LANCL3: variants seen among roughly 807,000 people sequenced by gnomAD.
LANCL3 encodes LanC like family member 3, also known as lanC-like protein 3.
Under a neutral mutation model 26.5 loss-of-function variants are expected in LANCL3, and 19 were observed. The observed-to-expected ratio is 0.72, with a 90% CI of 0.50 to 1.05. The LOEUF is 1.05. LANCL3 is among the 50% of genes least tolerant of loss of function. LANCL3 has a pLI of 0.00. For synonymous variants in LANCL3, 160 were observed against 166.6 expected, an observed-to-expected ratio of 0.96 and a Z score of 0.30; for missense variants, 318 against 362.7, an observed-to-expected ratio of 0.88 and a Z score of 1.00.
At chrX:37,670,524 G>A (rs1388631381) in intron 4 of LANCL3, among the ~76,000 whole-genome samples, 3 of 110,149 alleles carry the variant, frequency 2.7e-5, no homozygotes, top group African/African-American at 9.9e-5. Context: ...TCTCAGATAG[G>A]TATTTATTTT....
intron 1 of LANCL3, among the ~76,000 whole-genome samples, chrX:37,620,496 G>T (rs181585590): frequency 1.3e-3 from 148 of 112,010 alleles, no homozygotes; most frequent in Non-Finnish European, 2.5e-3. Context: ...ATGGGGATAA[G>T]CTGCAGAGTC....
At chrX:37,631,006 G>T (rs1925483822) in intron 1 of LANCL3, among the ~76,000 whole-genome samples, 1 of 111,723 alleles carries the variant, frequency 9.0e-6, no homozygotes, top group Non-Finnish European at 1.9e-5. Flanking sequence ...CTATTGATTG[G>T]AATAGTTTCA....
In LANCL3 at chrX:37,676,676, T is replaced by C. The variant is rs1478212882; in HGVS notation, c.*863T>C. On this transcript the variant is annotated 3_prime_UTR_variant, in exon 5 of 5. Transcript: ENST00000378619. Reference sequence around the variant, plus strand: ...CTATTAGCTGAACTATAAAATATGCTCTTGGTAAATATCACTAATTTCAAA... The same window carrying C: ...CTATTAGCTGAACTATAAAATATGCCCTTGGTAAATATCACTAATTTCAAA... The C allele has an allele frequency of 8.9e-6, 1 of 112,085 alleles. No homozygotes were observed. Among genetic ancestry groups the C allele is most frequent in the Non-Finnish European group, 1.9e-5 (1 of 53,204 alleles). 9.2% of individuals were successfully genotyped at this position (112,085 alleles called of 1,213,427 possible).
chrX:37,659,690 G>A, intron 3 of LANCL3, 31 bp downstream of exon 3: 1 of 1,167,905 alleles, frequency 8.6e-7, no homozygotes, highest in Non-Finnish European at 1.2e-6. Flanking sequence ...TAAAAATATT[G>A]CCTTTCATCT....
rs149126797 is a variant in LANCL3 at position 37,637,947 on chromosome X, G to T, written c.574-17741G>T. 1.8e-3 allele frequency among the ~76,000 whole-genome samples: 197 copies of T among 110,494 alleles called. 2 individuals are homozygous for T. The highest frequency in any genetic ancestry group is 6.2e-3 in the African/African-American group (189 of 30,344). ...CTGAATGAGGCTGAACCTGAATGAG[G>T]CTGAATGTATCAGATTCTCCTAGGA... On this transcript the variant is annotated intron_variant, in intron 1 of 4. Transcript: ENST00000378619.
chrX:37,578,910 G>A (rs1556416702), intron 1 of LANCL3, among the ~76,000 whole-genome samples: 1 of 105,948 alleles, frequency 9.4e-6, no homozygotes, highest in Admixed American at 1.0e-4. Flanking sequence ...AACCCGGGAG[G>A]CGGAGGTTGC....
intron 1 of LANCL3, among the ~76,000 whole-genome samples, chrX:37,648,837 C>A (rs1926053185): frequency 2.7e-5 from 3 of 111,467 alleles, no homozygotes; most frequent in African/African-American, 9.8e-5. Flanking sequence ...TTTACATGGC[C>A]AAAAAACATG....
At chrX:37,606,518 G>A (rs1423714371) in intron 1 of LANCL3, among the ~76,000 whole-genome samples, 1 of 112,010 alleles carries the variant, frequency 8.9e-6, no homozygotes, top group African/African-American at 3.2e-5. Context: ...GCTCTTTGAG[G>A]ACAGAAATCT....
intron 1 of LANCL3, among the ~76,000 whole-genome samples, chrX:37,630,902 C>G (rs1419512791): frequency 2.7e-5 from 3 of 111,166 alleles, no homozygotes; most frequent in African/African-American, 9.8e-5. Context: ...GGATATTGGT[C>G]TAAAATTCTC....
intron 4 of LANCL3, among the ~76,000 whole-genome samples, chrX:37,672,695 C>A (rs1926712392): frequency 9.0e-6 from 1 of 111,468 alleles, no homozygotes; most frequent in South Asian, 3.7e-4. Context: ...TTCCAAATGG[C>A]GGGTGGAGGG....
In LANCL3 at chrX:37,682,261, C is replaced by G. The variant is rs1249899040; in HGVS notation, c.*6448C>G. ...GGGACTACAGGCGCCCGCCACTACG[C>G]CCGGCTAATTTTTTGTATTTTTAGT... On this transcript the variant is annotated 3_prime_UTR_variant, in exon 5 of 5. Coordinates refer to ENST00000378619, the MANE Select transcript of LANCL3 (RefSeq NM_001170331.2). 1.8e-5 allele frequency: 2 copies of G among 108,148 alleles called. No individual in the cohort carries two copies. Among genetic ancestry groups the G allele is most frequent in the African/African-American group, 3.4e-5 (1 of 29,718 alleles). 8.9% of individuals were successfully genotyped at this position (108,148 alleles called of 1,213,427 possible). A position where few individuals can be genotyped will look rare whatever the true frequency, so the allele number is the denominator to read the frequency against.
At chrX:37,600,568 G>T (rs1197843996) in intron 1 of LANCL3, among the ~76,000 whole-genome samples, 2 of 112,125 alleles carry the variant, frequency 1.8e-5, no homozygotes, top group Admixed American at 1.9e-4. Context: ...GTGTCCACAG[G>T]CAACATCTGT....
intron 3 of LANCL3, 90 bp downstream of exon 3, chrX:37,659,749 C>A: frequency 1.3e-6 from 1 of 774,460 alleles, no homozygotes; most frequent in Non-Finnish European, 1.9e-6. Context: ...GATAGCTAAT[C>A]TTATGTCATT....
intron 1 of LANCL3, among the ~76,000 whole-genome samples, chrX:37,625,858 A>G (rs1925300846): frequency 8.9e-6 from 1 of 111,757 alleles, no homozygotes. Flanking sequence ...TTCAATAACA[A>G]ATACTGATTT....
At chrX:37,597,880 T>C (rs1924480144) in intron 1 of LANCL3, among the ~76,000 whole-genome samples, 1 of 109,454 alleles carries the variant, frequency 9.1e-6, no homozygotes, top group African/African-American at 3.3e-5. Context: ...AAGTGTGGTA[T>C]CTGATAATCA....
At chrX:37,597,668 C>CTTTTTT (rs57097813) in intron 1 of LANCL3, among the ~76,000 whole-genome samples, 11 of 79,814 alleles carry the variant, frequency 1.4e-4, no homozygotes, top group Non-Finnish European at 1.9e-4. Context: ...CACACGCCAC[C>CTTTTTT]TTTTTTTTTT....
At position 37,572,017 on chromosome X, in the gene LANCL3, G is replaced by A. The variant is rs1213524107; in HGVS notation, c.147G>A (p.Ala49=). 6.8e-6 allele frequency: 8 copies of A among 1,184,188 alleles called. No homozygotes were observed. In the Admixed American group the frequency reaches 1.2e-4, roughly 17 times the overall value. The stretch of plus-strand genomic sequence containing the variant: ...AGCTTCCCCCACTCGGGGGCGGCGC[G>A]GAGGCCCGAGGGGCGACGGCGGGGG... ...LQELPPLGGG[A]EARGATAGAS... The change falls in exon 1 of 5, where the codon GCG becomes GCA. Residue 49 remains alanine (A), a synonymous_variant. Coordinates refer to ENST00000378619, the MANE Select transcript of LANCL3 (RefSeq NM_001170331.2).
At chrX:37,652,027 ATT>A (rs34591782) in intron 1 of LANCL3, among the ~76,000 whole-genome samples, 5 of 81,148 alleles carry the variant, frequency 6.2e-5, no homozygotes, top group Admixed American at 2.8e-4. Context: ...TGACAGCTTC[ATT>A]TTTTTTTTTT....
chrX:37,571,861 G>A lies in LANCL3; in HGVS notation c.-10G>A, dbSNP rs782428083. On this transcript the variant is annotated 5_prime_UTR_variant, in exon 1 of 5. Coordinates refer to ENST00000378619, the MANE Select transcript of LANCL3 (RefSeq NM_001170331.2). ...TCCTCAGCTCCGCACTAGGGGGCAC[G>A]GGCAACAGCATGGACACCAAGCGCT... is the stretch of plus-strand genomic sequence containing the variant. The A allele has an allele frequency of 8.4e-6, 10 of 1,192,803 alleles. No homozygotes were observed. Among genetic ancestry groups the A allele is most frequent in the African/African-American group, 1.7e-5 (1 of 57,169 alleles).
Sources: gnomAD v4.1 joint callset for allele counts (sites outside exome capture counted in the v4.1 genomes callset) on GRCh38, gnomAD v4.1.1 for gene constraint, MANE v1.5 for transcripts, NCBI Gene and HGNC (gene_info 2026-07-23, HGNC 2026-07-21) for gene names.